The following SLC15A4 variants were observed in gnomAD, a reference collection of about 807,000 sequenced individuals.
SLC15A4 encodes the protein hPHT1.
A neutral mutation model predicts 46.1 loss-of-function variants in SLC15A4; 26 were observed. That is an observed-to-expected ratio of 0.56 (90% confidence interval 0.41 to 0.78). The LOEUF is 0.78. Ranked by LOEUF, SLC15A4 falls within the 30% of genes least tolerant of loss-of-function variation. SLC15A4 has a pLI of 0.00. For synonymous variants in SLC15A4, 370 were observed against 333.4 expected (o/e 1.11, Z -1.20); for missense variants, 751 against 755.7 (o/e 0.99, Z 0.07).
At chr12:128,810,742 CCT>C (rs916233751) in intron 2 of SLC15A4, among the ~76,000 whole-genome samples, 30 of 152,070 alleles carry the variant, frequency 2.0e-4, no homozygotes, top group Admixed American at 1.7e-3. Context: ...GGCTCTGTCC[CCT>C]GACAGTAGGA....
At chr12:128,809,009 C>A in intron 4 of SLC15A4, 53 bp from the exon 5 acceptor site, 1 of 1,554,494 alleles carries the variant, frequency 6.4e-7, no homozygotes, top group Non-Finnish European at 8.7e-7. Flanking sequence ...AGGCCATCAC[C>A]TGTCTAGAGA....
intron 1 of SLC15A4, among the ~76,000 whole-genome samples, chr12:128,820,218 C>T (rs565158317): frequency 2.6e-5 from 4 of 152,286 alleles, no homozygotes; most frequent in African/African-American, 9.6e-5. Flanking sequence ...AGAACCATTA[C>T]GGAACGCACG....
intron 5 of SLC15A4, among the ~76,000 whole-genome samples, chr12:128,807,653 A>G (rs1462774893): frequency 6.6e-6 from 1 of 152,192 alleles, no homozygotes; most frequent in Non-Finnish European, 1.5e-5. Context: ...GCTGAACCGC[A>G]GCCTGCAGCT....
chr12:128,805,871 T>C (rs911657952), intron 5 of SLC15A4, among the ~76,000 whole-genome samples: 12 of 152,060 alleles, frequency 7.9e-5, no homozygotes, highest in Admixed American at 2.6e-4. Context: ...CATGATCTAT[T>C]ACGTAACAAC....
Position 128,808,753 on chromosome 12 carries a change from G to A in SLC15A4, c.1258+35C>T, listed in dbSNP as rs369691885. ...TTCTGAATCCACAACTGCTGCAGTC[G>A]GGCCTGAGGAGGAACGGAGCAGAAT... is the stretch of plus-strand genomic sequence containing the variant. On this transcript the variant is annotated intron_variant, in intron 5 of 7. Coordinates refer to ENST00000266771, the MANE Select transcript of SLC15A4 (RefSeq NM_145648.4). The A allele has an allele frequency of 3.1e-4, 504 of 1,608,260 alleles. 2 individuals carry two copies. The highest frequency in any genetic ancestry group is 4.1e-4 in the Non-Finnish European group (480 of 1,177,078).
chr12:128,801,149 C>T, intron 5 of SLC15A4, 140 bp from the exon 6 acceptor site: 1 of 773,392 alleles, frequency 1.3e-6, no homozygotes, highest in African/African-American at 1.8e-5. Flanking sequence ...CAGCTTCCCC[C>T]AGGACTAATA....
chr12:128,817,135 G>A (rs1159938512), intron 1 of SLC15A4, among the ~76,000 whole-genome samples: 3 of 152,204 alleles, frequency 2.0e-5, no homozygotes, highest in African/African-American at 4.8e-5. Context: ...ATTCTCAAGA[G>A]TTTAAACTTT....
chr12:128,797,838 T>G (rs767919122), intron 7 of SLC15A4, among the ~76,000 whole-genome samples: 3 of 152,232 alleles, frequency 2.0e-5, no homozygotes, highest in Non-Finnish European at 2.9e-5. Context: ...GCTCGACAGA[T>G]GAGCTCCAAC....
rs1429954667 is a variant in SLC15A4, at chr12:128,823,462, A to T, written c.482T>A (p.Leu161Gln). Reference protein sequence around the residue: ...RCCSPATFAGLVLVGLGVATV... With the variant: ...RCCSPATFAGQVLVGLGVATV... ...GGCCACGCCCAGGCCCACCAGCACC[A>T]GCCCCGCGAAGGTGGCCGGTGAGCA... Residue 161 changes from leucine to glutamine, a missense_variant, in exon 1 of 8, where the codon CTG becomes CAG. Leu to Gln is a moderately radical substitution (Grantham distance 113). Coordinates refer to ENST00000266771, the MANE Select transcript of SLC15A4 (RefSeq NM_145648.4). The T allele has an allele frequency of 1.4e-6, 2 of 1,480,764 alleles. No homozygotes were observed. The highest frequency in any genetic ancestry group is 2.6e-5 in the South Asian group (2 of 78,284). The allele number at this position is 1,480,764 out of a possible 1,614,324, so 91.7% of individuals were successfully genotyped here.
chr12:128,809,921 A>C, intron 3 of SLC15A4, 22 bp downstream of exon 3: 1 of 1,605,548 alleles, frequency 6.2e-7, no homozygotes, highest in Admixed American at 1.7e-5. Context: ...AAAGGAAATT[A>C]AACCTGTTTG....
chr12:128,797,693 C>T (rs1261052018), intron 7 of SLC15A4, among the ~76,000 whole-genome samples: 1 of 152,174 alleles, frequency 6.6e-6, no homozygotes, highest in Non-Finnish European at 1.5e-5. Context: ...GCACAGACAC[C>T]CCCGGAACCT....
chr12:128,797,394 G>GT (rs869093761), intron 7 of SLC15A4, among the ~76,000 whole-genome samples: 1 of 34,290 alleles, frequency 2.9e-5, no homozygotes, highest in Non-Finnish European at 9.9e-5. Context: ...TACCTTCTGA[G>GT]GGGGGCAGTA....
chr12:128,799,386 C>T lies in SLC15A4; in HGVS notation c.1446G>A (p.Lys482=), dbSNP rs568556431. The stretch of plus-strand genomic sequence containing the variant: ...AGCCCATTATGGCACTCTGCATGGA[C>T]TTGGGGGCAGCTGAGTATGCAAATT... The part of the protein sequence containing the change: ...GLEFAYSAAP[K]SMQSAIMGLF... The change falls in exon 7 of 8, where the codon AAG becomes AAA. Residue 482 remains lysine, a synonymous_variant. Transcript: ENST00000266771. The T allele has an allele frequency of 1.9e-6, 3 of 1,614,166 alleles. No homozygotes were observed. Among genetic ancestry groups the T allele is most frequent in the East Asian group, 4.5e-5 (2 of 44,884 alleles).
chr12:128,800,836 G>C lies in SLC15A4; in HGVS notation c.1414+18C>G. On this transcript the variant is annotated intron_variant, in intron 6 of 7. Coordinates refer to ENST00000266771, the MANE Select transcript of SLC15A4 (RefSeq NM_145648.4). ...CTTGTGCCTGGACTCAGACACCTCC[G>C]GCACTAAAGGTCCTCACCTGCGATA... 6.3e-7 allele frequency: 1 copy of C among 1,598,208 alleles called. No homozygotes were observed. Among genetic ancestry groups the C allele is most frequent in the Non-Finnish European group, 8.5e-7 (1 of 1,172,070 alleles).
chr12:128,813,439 A>C (rs1340153024), intron 2 of SLC15A4: 1 of 152,236 alleles, frequency 6.6e-6, no homozygotes, highest in East Asian at 1.9e-4. Flanking sequence ...GAGATCTGCC[A>C]GAACTCCACA....
chr12:128,802,339 G>T (rs528960326), intron 5 of SLC15A4, among the ~76,000 whole-genome samples: 1 of 152,088 alleles, frequency 6.6e-6, no homozygotes, highest in Non-Finnish European at 1.5e-5. Flanking sequence ...TGGCATCAGC[G>T]CCTTCAAACA....
intron 1 of SLC15A4, 75 bp downstream of exon 1, chr12:128,823,323 C>T: frequency 1.5e-6 from 2 of 1,291,306 alleles, no homozygotes; most frequent in Non-Finnish European, 2.0e-6. Context: ...GAGGCAGGGA[C>T]TGGGGCAGGG....
intron 5 of SLC15A4, among the ~76,000 whole-genome samples, chr12:128,804,872 A>C (rs1955565176): frequency 6.6e-6 from 1 of 152,230 alleles, no homozygotes; most frequent in Non-Finnish European, 1.5e-5. Context: ...ACAGAGAAAA[A>C]GAGAGTACAC....
In SLC15A4 at chr12:128,815,013, T is replaced by C. The variant is rs765542112; in HGVS notation, c.604A>G (p.Ile202Val). 3.7e-6 allele frequency: 6 copies of C among 1,613,980 alleles called. No homozygotes were observed. The highest frequency in any genetic ancestry group is 3.3e-5 in the Admixed American group (2 of 60,000). ...RRFFNWFYWS[I>V]NLGAILSLGG... ...AACGACAGGATCGCTCCCAGGTTAA[T>C]GCTCCAATAAAACCAATTAAAAAAT... The change falls in exon 2 of 8, where the codon ATT becomes GTT. Residue 202 changes from isoleucine to valine, a missense_variant. By Grantham distance (29) the Ile-to-Val change is conservative. Transcript: ENST00000266771.
Sources: gnomAD v4.1 joint callset for allele counts (sites outside exome capture counted in the v4.1 genomes callset) on GRCh38, gnomAD v4.1.1 for gene constraint, MANE v1.5 for transcripts, NCBI Gene and HGNC (gene_info 2026-07-23, HGNC 2026-07-21) for gene names.